WNT11: variants seen among roughly 807,000 people sequenced by gnomAD.
The protein encoded by WNT11 is Wnt family member 11, also known as protein Wnt-11.
A neutral mutation model predicts 35.6 loss-of-function variants in WNT11; 20 were observed. The observed-to-expected ratio is 0.56, with a 90% CI of 0.40 to 0.82. The LOEUF (loss-of-function observed/expected upper bound fraction) is 0.82. Ranked by LOEUF, WNT11 falls within the 40% of genes least tolerant of loss-of-function variation. The probability of loss-of-function intolerance (pLI) is 0.00; values close to 1 mark genes in which losing one functional copy is unlikely to be tolerated. For synonymous variants in WNT11, 200 were observed against 211.9 expected (o/e 0.94, Z 0.49); for missense variants, 459 against 504.4 (o/e 0.91, Z 0.86).
intron 1 of WNT11, among the ~76,000 whole-genome samples, chr11:76,197,136 A>C (rs1022954998): frequency 6.6e-6 from 1 of 152,234 alleles, no homozygotes; most frequent in Non-Finnish European, 1.5e-5. Flanking sequence ...AACCATGAGA[A>C]ATGCTAGATT....
At chr11:76,189,219 G>A (rs1419775061) in intron 4 of WNT11, among the ~76,000 whole-genome samples, 2 of 152,262 alleles carry the variant, frequency 1.3e-5, no homozygotes, top group Non-Finnish European at 2.9e-5. Context: ...CTACCCTGAA[G>A]GGTAGGAAGG....
At position 76,197,654 on chromosome 11, in the gene WNT11, G is replaced by C. The variant is rs1022160505; in HGVS notation, c.84-936C>G. Among the ~76,000 whole-genome samples the C allele has an allele frequency of 2.6e-5, 4 of 152,158 alleles. No individual in the cohort carries two copies. In the East Asian group the frequency reaches 5.8e-4, roughly 22 times the overall value. Reference sequence around the variant, plus strand: ...ACAGAGCCCTTTGCTTGAGGCTGCTGACTTCATCCACCTCGTCCGTGCTTT... The same window carrying C: ...ACAGAGCCCTTTGCTTGAGGCTGCTCACTTCATCCACCTCGTCCGTGCTTT... On this transcript the variant is annotated intron_variant, in intron 1 of 4. Coordinates refer to ENST00000322563, the MANE Select transcript of WNT11 (RefSeq NM_004626.3).
chr11:76,205,694 G>C (rs143619116), intron 1 of WNT11, among the ~76,000 whole-genome samples: 2 of 151,988 alleles, frequency 1.3e-5, no homozygotes, highest in Non-Finnish European at 1.5e-5. Context: ...CCTTCAGCTC[G>C]GCACCAAGCC....
At chr11:76,210,675 G>A (rs185781572), upstream of WNT11, 4,565 of 985,198 alleles carry the variant, frequency 4.6e-3, 16 homozygotes, top group Non-Finnish European at 5.2e-3. Flanking sequence ...GTCAGGCGCG[G>A]ACTCCGGCTG....
intron 2 of WNT11, among the ~76,000 whole-genome samples, chr11:76,195,463 C>T (rs1953267019): frequency 6.6e-6 from 1 of 152,218 alleles, no homozygotes; most frequent in African/African-American, 2.4e-5. Context: ...CTAAAGAATG[C>T]CAAGGATGGC....
chr11:76,190,536 G>A (rs1425355849), intron 4 of WNT11, among the ~76,000 whole-genome samples: 6 of 152,100 alleles, frequency 3.9e-5, no homozygotes, highest in Non-Finnish European at 8.8e-5. Flanking sequence ...AGACAGGAAC[G>A]TGGGCTGCGG....
upstream of WNT11, chr11:76,210,651 AGGACCCGCGCGG>A (rs1216958001): frequency 1.1e-5 from 11 of 985,238 alleles, no homozygotes; most frequent in Admixed American, 6.8e-4. Context: ...CGGCCGGCTC[AGGACCCGCGCGG>A]AGTCAGGCGC....
intron 1 of WNT11, among the ~76,000 whole-genome samples, chr11:76,197,393 T>A (rs1328507208): frequency 6.6e-6 from 1 of 152,212 alleles, no homozygotes; most frequent in Non-Finnish European, 1.5e-5. Flanking sequence ...TGATCTTAGA[T>A]AATTCATTGC....
chr11:76,189,592 A>T (rs1032833753), intron 4 of WNT11, among the ~76,000 whole-genome samples: 1 of 152,180 alleles, frequency 6.6e-6, no homozygotes, highest in African/African-American at 2.4e-5. Flanking sequence ...CACGCCTTTC[A>T]CAGTTCACCA....
chr11:76,197,283 G>C (rs1953303874), intron 1 of WNT11, among the ~76,000 whole-genome samples: 1 of 152,212 alleles, frequency 6.6e-6, no homozygotes, highest in Non-Finnish European at 1.5e-5. Context: ...ATCCATGCAA[G>C]GAATTCCTAA....
intron 3 of WNT11, among the ~76,000 whole-genome samples, chr11:76,193,860 A>T (rs531551887): frequency 6.6e-6 from 1 of 152,246 alleles, no homozygotes; most frequent in South Asian, 2.1e-4. Context: ...CCCTATCTGT[A>T]AAAAGGGGAC....
upstream of WNT11, among the ~76,000 whole-genome samples, chr11:76,208,990 G>T (rs539683812): frequency 3.9e-5 from 6 of 152,330 alleles, no homozygotes; most frequent in South Asian, 2.1e-4. Flanking sequence ...CTCGAGGAGG[G>T]GGGAATCGCG....
intron 1 of WNT11, among the ~76,000 whole-genome samples, chr11:76,200,943 C>T (rs1032881755): frequency 5.9e-5 from 9 of 152,220 alleles, no homozygotes; most frequent in African/African-American, 1.7e-4. Context: ...CGGGGTGGGA[C>T]GATGGGGGCT....
At position 76,194,639 on chromosome 11, in the gene WNT11, A is replaced by C; in HGVS notation, c.525T>G (p.Pro175=). The change falls in exon 3 of 5, where the codon CCT becomes CCG. Residue 175 remains proline, a synonymous_variant. Coordinates refer to ENST00000322563, the MANE Select transcript of WNT11 (RefSeq NM_004626.3). The surrounding 1 kb of genome is among the most constrained non-coding windows in gnomAD (Gnocchi z 5.4). The part of the protein sequence containing the change: ...LLMGAKFSDA[P]MKVKKTGSQA... ...GGGATCCTGTTTTTTTCACCTTCAT[A>C]GGAGCATCGGAAAACTTGGCCCCCA... 6.4e-7 allele frequency: 1 copy of C among 1,550,628 alleles called. No homozygotes were observed. The highest frequency in any genetic ancestry group is 8.7e-7 in the Non-Finnish European group (1 of 1,146,932).
chr11:76,200,127 TGG>T (rs775546539), intron 1 of WNT11, among the ~76,000 whole-genome samples: 38 of 145,550 alleles, frequency 2.6e-4, no homozygotes, highest in Non-Finnish European at 4.5e-4. Flanking sequence ...AAGCAGGGCC[TGG>T]TGTCTGTGGT....
chr11:76,205,884 G>C (rs1429933927), intron 1 of WNT11, among the ~76,000 whole-genome samples: 2 of 152,342 alleles, frequency 1.3e-5, no homozygotes, highest in East Asian at 3.9e-4. Flanking sequence ...CCAAGAAGTA[G>C]AGTGACACTT....
At chr11:76,206,613 T>G, upstream of WNT11, 25 of 1,086,372 alleles carry the variant, frequency 2.3e-5, no homozygotes, top group South Asian at 4.6e-5. Flanking sequence ...GCGGCGGGCG[T>G]CCCCTCCCGC....
intron 2 of WNT11, among the ~76,000 whole-genome samples, chr11:76,195,581 C>T (rs556402136): frequency 6.6e-6 from 1 of 152,334 alleles, no homozygotes; most frequent in Non-Finnish European, 1.5e-5. Context: ...GCCTCCAGAA[C>T]TTTGAGACAA....
intron 1 of WNT11, among the ~76,000 whole-genome samples, chr11:76,200,155 C>T (rs12222797): frequency 0.2 from 29,987 of 151,852 alleles, 3,238 homozygotes; most frequent in South Asian, 0.27. Flanking sequence ...CGGCGTGACT[C>T]GCCCTGTGTA....
Sources: allele counts gnomAD v4.1 joint callset (sites outside exome capture counted in the v4.1 genomes callset), GRCh38; gene constraint gnomAD v4.1.1; non-coding constraint Gnocchi (gnomAD v3.1); transcripts MANE v1.5; gene names NCBI Gene and HGNC (gene_info 2026-07-23, HGNC 2026-07-21).